The following ZNF354C variants were observed in gnomAD, a reference collection of about 807,000 sequenced individuals.
The protein encoded by ZNF354C is KRAB-zinc finger protein synten.
In ZNF354C, 7 loss-of-function variants were observed where a neutral mutation model predicts 12.4. The ratio of observed to expected loss-of-function variants is 0.56; its 90% CI spans 0.32 to 1.06. The LOEUF (loss-of-function observed/expected upper bound fraction) is 1.06. ZNF354C is among the 50% of genes least tolerant of loss of function. The pLI is 0.04. For synonymous variants in ZNF354C, 202 were observed against 224.5 expected (o/e 0.90, Z 0.90); for missense variants, 609 against 658.0 (o/e 0.93, Z 0.81).
intron 2 of ZNF354C, among the ~76,000 whole-genome samples, chr5:179,071,874 G>A (rs112196015): frequency 1.1e-4 from 16 of 152,232 alleles, no homozygotes; most frequent in African/African-American, 3.9e-4. Flanking sequence ...AATAAGAACT[G>A]AACAAAGATA....
rs1321673025 is a variant in ZNF354C, at chr5:179,080,510, T to C, written c.*413T>C. 6.5e-6 allele frequency: 1 copy of C among 152,756 alleles called. No homozygotes were observed. 9.5% of individuals were successfully genotyped at this position (152,756 alleles called of 1,614,324 possible). A position where few individuals can be genotyped will look rare whatever the true frequency, so the allele number is the denominator to read the frequency against. ...CCTTCTTTAAAATAGCTGGCTAACA[T>C]AGGAGGCACTTCTTTTCATAAAGAG... On this transcript the variant is annotated 3_prime_UTR_variant, in exon 5 of 5. Transcript: ENST00000315475.
rs1378074930 is a variant in ZNF354C, at chr5:179,079,405, G to T, written c.973G>T (p.Glu325Ter). ...TGTACATCAGAGAATTCATACTGGA[G>T]AGAAACTCTATAAATGCGGCGAATG... is the stretch of plus-strand genomic sequence containing the variant. ...LTVHQRIHTG[E>*]KLYKCGECEK... is the part of the protein sequence containing the mutation. The change falls in exon 5 of 5, where the codon GAG becomes TAG. Residue 325 changes from glutamate (E) to a stop codon, truncating the protein, a stop_gained. Coordinates refer to ENST00000315475, the MANE Select transcript of ZNF354C (RefSeq NM_014594.3). LOFTEE classifies it low-confidence loss of function (END_TRUNC). The surrounding 1 kb of genome is among the most constrained non-coding windows in gnomAD (Gnocchi z 4.2). 3.7e-6 allele frequency: 6 copies of T among 1,614,120 alleles called. No homozygotes were observed.
In ZNF354C at chr5:179,079,404, A is replaced by G; in HGVS notation, c.972A>G (p.Gly324=). ...CTGTACATCAGAGAATTCATACTGGAGAGAAACTCTATAAATGCGGCGAAT... is the reference window on the plus strand; with the variant it reads ...CTGTACATCAGAGAATTCATACTGGGGAGAAACTCTATAAATGCGGCGAAT... ...TLTVHQRIHT[G]EKLYKCGECE... Residue 324 remains glycine (G), a synonymous_variant, in exon 5 of 5, where the codon GGA becomes GGG. Transcript: ENST00000315475. The surrounding 1 kb of genome is among the most constrained non-coding windows in gnomAD (Gnocchi z 4.2). The G allele has an allele frequency of 1.2e-6, 2 of 1,614,122 alleles. No homozygotes were observed. Among genetic ancestry groups the G allele is most frequent in the South Asian group, 1.1e-5 (1 of 91,086 alleles).
rs775667020 is a variant in ZNF354C at position 179,079,381 on chromosome 5, G to A, written c.949G>A (p.Val317Ile). 6 of 1,613,910 alleles carry A rather than the reference G, an allele frequency of 3.7e-6. No individual in the cohort carries two copies. Among genetic ancestry groups the A allele is most frequent in the Middle Eastern group, 1.6e-4 (1 of 6,084 alleles). ...CTTTAGCCAGTGTTCAACCCTCACT[G>A]TACATCAGAGAATTCATACTGGAGA... Reference protein sequence around the residue: ...KAFSQCSTLTVHQRIHTGEKL... With the variant: ...KAFSQCSTLTIHQRIHTGEKL... The change falls in exon 5 of 5, where the codon GTA becomes ATA. Residue 317 changes from valine (V) to isoleucine (I), a missense_variant. Val to Ile is a conservative substitution (Grantham distance 29, BLOSUM62 3). Transcript: ENST00000315475. This position sits in a 1 kb window ranked among gnomAD's most constrained non-coding sequence, Gnocchi z 4.2.
At chr5:179,075,524 A>C (rs1762106078) in intron 2 of ZNF354C, among the ~76,000 whole-genome samples, 1 of 152,218 alleles carries the variant, frequency 6.6e-6, no homozygotes, top group Non-Finnish European at 1.5e-5. Context: ...AACTGTAAAA[A>C]ACTGTAAGCC....
In ZNF354C at chr5:179,075,460, G is replaced by A. The variant is rs112749249; in HGVS notation, c.28-985G>A. Among the ~76,000 whole-genome samples, 261 of 151,868 alleles carry A rather than the reference G, an allele frequency of 1.7e-3. 1 individual carries two copies. The highest frequency in any genetic ancestry group is 5.7e-3 in the African/African-American group (237 of 41,464). Reference sequence around the variant, plus strand: ...AAATAAAATAAAATAAAATAAAATGGAATTTAAGAAAATTCAAAGCAAAGG... The same window carrying A: ...AAATAAAATAAAATAAAATAAAATGAAATTTAAGAAAATTCAAAGCAAAGG... On this transcript the variant is annotated intron_variant, in intron 2 of 4. Coordinates refer to ENST00000315475, the MANE Select transcript of ZNF354C (RefSeq NM_014594.3).
intron 1 of ZNF354C, among the ~76,000 whole-genome samples, chr5:179,061,451 G>T (rs1183153237): frequency 6.6e-6 from 1 of 152,182 alleles, no homozygotes; most frequent in Admixed American, 6.5e-5. Context: ...GTTACCTTGG[G>T]TAAAGTGTGG....
intron 1 of ZNF354C, among the ~76,000 whole-genome samples, chr5:179,061,284 C>G (rs1211938308): frequency 6.6e-6 from 1 of 152,166 alleles, no homozygotes; most frequent in Non-Finnish European, 1.5e-5. Flanking sequence ...CCCTTGCTTT[C>G]TGTGGGGCGG....
In ZNF354C at chr5:179,083,059, ATGT is replaced by A. The variant is rs1231292661; in HGVS notation, c.*2966_*2968del. ...TCCACTGGCCCTACGCAGGGGTGTG[ATGT>A]TGTAAGCCATAGTTTGTGCATTTTG... On this transcript the variant is annotated 3_prime_UTR_variant, in exon 5 of 5. Coordinates refer to ENST00000315475, the MANE Select transcript of ZNF354C (RefSeq NM_014594.3). 2 of 765,352 alleles carry A rather than the reference ATGT, an allele frequency of 2.6e-6. No individual in the cohort carries two copies. The highest frequency in any genetic ancestry group is 4.4e-6 in the Non-Finnish European group (2 of 457,742). 47.4% of individuals were successfully genotyped at this position (765,352 alleles called of 1,614,324 possible).
chr5:179,064,709 C>T (rs533704567), intron 2 of ZNF354C, among the ~76,000 whole-genome samples: 8 of 152,146 alleles, frequency 5.3e-5, no homozygotes, highest in South Asian at 4.2e-4. Flanking sequence ...CCACCGCGCC[C>T]GGCCTATGTA....
Position 179,082,857 on chromosome 5 carries a change from A to G in ZNF354C, c.*2760A>G. On this transcript the variant is annotated 3_prime_UTR_variant, in exon 5 of 5. Coordinates refer to ENST00000315475, the MANE Select transcript of ZNF354C (RefSeq NM_014594.3). ...TGCAACAGCCTTGGGGCCCTCACAG[A>G]CTCGCCAAACATTCCAGGCACTGCA... The G allele has an allele frequency of 1.7e-6, 2 of 1,198,176 alleles. No homozygotes were observed. Among genetic ancestry groups the G allele is most frequent in the South Asian group, 2.4e-5 (2 of 82,132 alleles). 74.2% of individuals were successfully genotyped at this position (1,198,176 alleles called of 1,614,324 possible).
At chr5:179,069,717 T>C (rs1310838066) in intron 2 of ZNF354C, among the ~76,000 whole-genome samples, 2 of 141,636 alleles carry the variant, frequency 1.4e-5, no homozygotes, top group East Asian at 2.1e-4. Flanking sequence ...ATACAAAAAA[T>C]TAGCCGGGCG....
chr5:179,067,117 G>T (rs535162860), intron 2 of ZNF354C, among the ~76,000 whole-genome samples: 62 of 152,316 alleles, frequency 4.1e-4, no homozygotes, highest in African/African-American at 1.3e-3. Flanking sequence ...AGGAATGCAG[G>T]TGTGTGAGAG....
chr5:179,067,359 C>T (rs1426917314), intron 2 of ZNF354C, among the ~76,000 whole-genome samples: 2 of 152,128 alleles, frequency 1.3e-5, no homozygotes, highest in Non-Finnish European at 2.9e-5. Flanking sequence ...TCCAGTGAGC[C>T]AGGTGAAAGG....
At chr5:179,070,051 T>C (rs1402295255) in intron 2 of ZNF354C, among the ~76,000 whole-genome samples, 1 of 152,152 alleles carries the variant, frequency 6.6e-6, no homozygotes, top group Non-Finnish European at 1.5e-5. Flanking sequence ...GCTCCTGGTC[T>C]ATTAGGAACC....
At chr5:179,077,282 A>G (rs1762138030) in intron 4 of ZNF354C, 116 bp downstream of exon 4, 1 of 771,140 alleles carries the variant, frequency 1.3e-6, no homozygotes, top group Non-Finnish European at 2.2e-6. Flanking sequence ...TGCTCAGGCC[A>G]GTTGTATTTT....
intron 2 of ZNF354C, among the ~76,000 whole-genome samples, chr5:179,075,780 C>T (rs113388622): frequency 1.3e-3 from 199 of 152,282 alleles, no homozygotes; most frequent in African/African-American, 4.5e-3. Flanking sequence ...TTCTATTTAG[C>T]GGCTGCATGA....
At chr5:179,066,250 A>G (rs778040729) in intron 2 of ZNF354C, among the ~76,000 whole-genome samples, 5 of 152,220 alleles carry the variant, frequency 3.3e-5, no homozygotes, top group South Asian at 2.1e-4. Context: ...TTCAAATAAC[A>G]TACTGCACCA....
intron 2 of ZNF354C, among the ~76,000 whole-genome samples, chr5:179,070,925 T>G (rs1021658808): frequency 4.2e-5 from 6 of 144,224 alleles, no homozygotes; most frequent in Non-Finnish European, 9.0e-5. Flanking sequence ...CTCGGCTCAC[T>G]GCAAGCTCCG....
Sources: allele counts gnomAD v4.1 joint callset (sites outside exome capture counted in the v4.1 genomes callset), GRCh38; gene constraint gnomAD v4.1.1; non-coding constraint Gnocchi (gnomAD v3.1); transcripts MANE v1.5; gene names NCBI Gene and HGNC (gene_info 2026-07-23, HGNC 2026-07-21).